Variants in DLGAP4 observed in about 807,000 individuals in gnomAD.
DLGAP4 encodes the protein disks large-associated protein 4.
In DLGAP4, 18 loss-of-function variants were observed where a neutral mutation model predicts 86.9. The ratio of observed to expected loss-of-function variants is 0.21; its 90% CI spans 0.14 to 0.31. The LOEUF (loss-of-function observed/expected upper bound fraction) is 0.31. DLGAP4 is among the 10% of genes least tolerant of loss of function. The pLI, the probability that DLGAP4 is intolerant of heterozygous loss-of-function variation, is 1.00. For synonymous variants in DLGAP4, 548 were observed against 574.3 expected, an observed-to-expected ratio of 0.95 and a Z score of 0.65; for missense variants, 1,085 against 1,362.6, an observed-to-expected ratio of 0.80 and a Z score of 3.21.
At chr20:36,361,433 G>T (rs569595028) in intron 1 of DLGAP4, among the ~76,000 whole-genome samples, 3 of 152,252 alleles carry the variant, frequency 2.0e-5, no homozygotes, top group African/African-American at 7.2e-5. Context: ...GCTTTGTTTG[G>T]TTTGTTTTTT....
At chr20:36,410,818 G>T (rs2032477800) in intron 2 of DLGAP4, among the ~76,000 whole-genome samples, 2 of 152,090 alleles carry the variant, frequency 1.3e-5, no homozygotes, top group African/African-American at 4.8e-5. Context: ...TCCAACATGA[G>T]ATTTGCAGGG....
chr20:36,357,420 A>C (rs1429974217), intron 1 of DLGAP4, among the ~76,000 whole-genome samples: 1 of 152,176 alleles, frequency 6.6e-6, no homozygotes, highest in East Asian at 1.9e-4. Flanking sequence ...CAGGGCTCCC[A>C]TAAGCCCTTG....
intron 8 of DLGAP4, chr20:36,497,702 G>T: frequency 1.0e-6 from 1 of 956,574 alleles, no homozygotes; most frequent in Non-Finnish European, 1.2e-6. Flanking sequence ...GTTCCCCAGG[G>T]TTAGGTGGCC....
At chr20:36,384,477 C>G (rs1051962366) in intron 2 of DLGAP4, among the ~76,000 whole-genome samples, 6 of 152,138 alleles carry the variant, frequency 3.9e-5, no homozygotes, top group Non-Finnish European at 7.4e-5. Context: ...CAGCAACCTA[C>G]AGGGGAGGTA....
intron 7 of DLGAP4, among the ~76,000 whole-genome samples, chr20:36,489,439 C>T (rs530756622): frequency 4.6e-5 from 7 of 152,328 alleles, no homozygotes; most frequent in Admixed American, 2.0e-4. Flanking sequence ...ATGGCTTTGT[C>T]TTCATCAGCC....
chr20:36,333,419 C>T (rs782611893), intron 1 of DLGAP4, among the ~76,000 whole-genome samples: 1 of 152,152 alleles, frequency 6.6e-6, no homozygotes, highest in Non-Finnish European at 1.5e-5. Flanking sequence ...CTGCCTGATG[C>T]GCCTCTGTGT....
At chr20:36,427,236 T>C (rs774052392) in intron 2 of DLGAP4, among the ~76,000 whole-genome samples, 84 of 151,976 alleles carry the variant, frequency 5.5e-4, no homozygotes, top group Non-Finnish European at 1.0e-3. Context: ...CTCAACACTT[T>C]GGGAGGCCGA....
intron 2 of DLGAP4, among the ~76,000 whole-genome samples, chr20:36,392,559 G>A (rs557625893): frequency 2.5e-4 from 29 of 118,068 alleles, no homozygotes; most frequent in Non-Finnish European, 4.5e-4. Context: ...TTAGAGAGAT[G>A]GGGTTTCACC....
chr20:36,518,613 CTT>C (rs1395329213), intron 10 of DLGAP4, among the ~76,000 whole-genome samples: 1 of 152,044 alleles, frequency 6.6e-6, no homozygotes, highest in Non-Finnish European at 1.5e-5. Context: ...ATGTGTAAAT[CTT>C]TGTTTTTATA....
At chr20:36,524,762 C>T (rs1174859549) in intron 11 of DLGAP4, among the ~76,000 whole-genome samples, 2 of 151,754 alleles carry the variant, frequency 1.3e-5, no homozygotes, top group African/African-American at 4.8e-5. Context: ...ATTAGCTGGG[C>T]GTGGTGGTGC....
At chr20:36,402,607 A>T (rs569747947) in intron 2 of DLGAP4, among the ~76,000 whole-genome samples, 1 of 152,210 alleles carries the variant, frequency 6.6e-6, no homozygotes, top group South Asian at 2.1e-4. Flanking sequence ...AATTAGCTGG[A>T]CATGGTGGTG....
intron 10 of DLGAP4, among the ~76,000 whole-genome samples, chr20:36,501,316 TCTGC>T: frequency 6.6e-6 from 1 of 152,190 alleles, no homozygotes; most frequent in African/African-American, 2.4e-5. Flanking sequence ...TCCACCTGCC[TCTGC>T]CTCCCAGAGT....
intron 12 of DLGAP4, chr20:36,526,280 T>C (rs947669524): frequency 2.6e-5 from 16 of 605,850 alleles, no homozygotes; most frequent in Middle Eastern, 4.4e-4. Context: ...TCAATCACGT[T>C]ATAACAGAGG....
chr20:36,338,557 A>G (rs2065345546), intron 1 of DLGAP4, among the ~76,000 whole-genome samples: 1 of 152,156 alleles, frequency 6.6e-6, no homozygotes, highest in African/African-American at 2.4e-5. Context: ...GGGCAAGAAG[A>G]GTGAAACTCC....
intron 1 of DLGAP4, among the ~76,000 whole-genome samples, chr20:36,339,881 G>A (rs568717542): frequency 5.9e-5 from 9 of 152,330 alleles, no homozygotes; most frequent in Admixed American, 1.3e-4. Context: ...GGTGGGAATG[G>A]CAGAGGAGGG....
intron 2 of DLGAP4, among the ~76,000 whole-genome samples, chr20:36,378,492 A>C (rs1023434976): frequency 1.3e-5 from 2 of 152,166 alleles, no homozygotes; most frequent in Non-Finnish European, 1.5e-5. Context: ...TACTCAAGGA[A>C]TACCAGGGCA....
At chr20:36,386,544 A>ACAAACC (rs985856485) in intron 2 of DLGAP4, among the ~76,000 whole-genome samples, 9 of 152,314 alleles carry the variant, frequency 5.9e-5, no homozygotes, top group African/African-American at 1.9e-4. Flanking sequence ...GAGGGAACTC[A>ACAAACC]CAAACCCAAA....
At chr20:36,478,088 A>G (rs2035025254) in intron 7 of DLGAP4, among the ~76,000 whole-genome samples, 2 of 152,212 alleles carry the variant, frequency 1.3e-5, no homozygotes, top group African/African-American at 4.8e-5. Flanking sequence ...TGGGTAGGGA[A>G]TAAAGACAAT....
At chr20:36,513,281 G>A (rs890549621) in intron 10 of DLGAP4, among the ~76,000 whole-genome samples, 3 of 151,616 alleles carry the variant, frequency 2.0e-5, no homozygotes, top group African/African-American at 7.3e-5. Context: ...GGGCGCGGTG[G>A]CTCACGCCTG....
Sources: gnomAD v4.1 joint callset for allele counts (sites outside exome capture counted in the v4.1 genomes callset) on GRCh38, gnomAD v4.1.1 for gene constraint, MANE v1.5 for transcripts, NCBI Gene and HGNC (gene_info 2026-07-23, HGNC 2026-07-21) for gene names.